The following MYO18A variants were observed in gnomAD, a reference collection of about 807,000 sequenced individuals.
MYO18A encodes myosin XVIIIA.
MYO18A carries 78 observed loss-of-function variants against 235.8 expected under a neutral mutation model. That is an observed-to-expected ratio of 0.33 (90% CI 0.28 to 0.40). The LOEUF (loss-of-function observed/expected upper bound fraction) is 0.40. MYO18A is among the 10% of genes least tolerant of loss of function. The pLI is 1.00. For missense variants in MYO18A, 2,215 were observed against 2,699.3 expected (o/e 0.82, Z 3.98); for synonymous variants, 977 against 1,077.8 (o/e 0.91, Z 1.83).
chr17:29,111,609 G>A lies in MYO18A; in HGVS notation c.2741-26C>T. The A allele has an allele frequency of 1.9e-6, 3 of 1,613,570 alleles. No homozygotes were observed. Among genetic ancestry groups the A allele is most frequent in the South Asian group, 2.2e-5 (2 of 91,060 alleles). Reference sequence around the variant, plus strand: ...CTGATGGTGGGAGAAGCAAGATTTAGGTCGTCAGGGTACAGGCACAAAGTG... The same window carrying A: ...CTGATGGTGGGAGAAGCAAGATTTAAGTCGTCAGGGTACAGGCACAAAGTG... On this transcript the variant is annotated intron_variant, in intron 16 of 41. Transcript: ENST00000527372. This position sits in a 1 kb window ranked among gnomAD's most constrained non-coding sequence, Gnocchi z 5.1.
intron 1 of MYO18A, among the ~76,000 whole-genome samples, chr17:29,169,941 T>A (rs1056607579): frequency 1.3e-5 from 2 of 152,300 alleles, no homozygotes; most frequent in South Asian, 2.1e-4. Flanking sequence ...GAGCAAAAGC[T>A]TGTTCCTCAC....
rs1158378181 is a variant in MYO18A at position 29,118,360 on chromosome 17, C to T, written c.1893+17G>A. The T allele has an allele frequency of 8.1e-6, 13 of 1,598,458 alleles. No homozygotes were observed. The highest frequency in any genetic ancestry group is 4.5e-5 in the East Asian group (2 of 44,420). ...CAAGGCCCAGGGCTGGCAACCCAGA[C>T]CCCACAGACCCCTCACCTTGGCCAG... is the stretch of plus-strand genomic sequence containing the variant. On this transcript the variant is annotated intron_variant, in intron 9 of 41. Coordinates refer to ENST00000527372, the MANE Select transcript of MYO18A (RefSeq NM_078471.4). The surrounding 1 kb of genome is among the most constrained non-coding windows in gnomAD (Gnocchi z 4.2).
rs2067714903 is a variant in MYO18A at position 29,140,562 on chromosome 17, T to G, written c.1000-18309A>C. 8 of 383,128 alleles carry G rather than the reference T, an allele frequency of 2.1e-5. No individual in the cohort carries two copies. The highest frequency in any genetic ancestry group is 1.3e-4 in the East Asian group (1 of 7,698). The allele number at this position is 383,128 out of a possible 1,614,324, so 23.7% of individuals were successfully genotyped here. On this transcript the variant is annotated intron_variant, in intron 2 of 41. Transcript: ENST00000527372. This position sits in a 1 kb window ranked among gnomAD's most constrained non-coding sequence, Gnocchi z 4.2. ...AGGGAGAGGGTGATACAGCAGTGTG[T>G]GTGGAAGGGAAGGAGAAGGCTCTTA...
At chr17:29,169,452 G>A (rs753989414) in intron 1 of MYO18A, among the ~76,000 whole-genome samples, 3 of 152,156 alleles carry the variant, frequency 2.0e-5, no homozygotes, top group Non-Finnish European at 4.4e-5. Flanking sequence ...TGGCCAGGTA[G>A]GTCTGGACTG....
At chr17:29,129,055 CT>C (rs2067396769) in intron 2 of MYO18A, 1 of 1,289,284 alleles carries the variant, frequency 7.8e-7, no homozygotes, top group East Asian at 5.5e-5. Flanking sequence ...GCGTCCTGAC[CT>C]TTGTAGTCCT....
In MYO18A at chr17:29,107,064, G is replaced by A. The variant is rs571713962; in HGVS notation, c.3441+16C>T. On this transcript the variant is annotated intron_variant, in intron 20 of 41. Transcript: ENST00000527372. ...GGCCTGGGCAGAGGGAGAGCGGTCTGGGGACCTGGACCTACCCGCCTTTCA... is the reference window on the plus strand; with the variant it reads ...GGCCTGGGCAGAGGGAGAGCGGTCTAGGGACCTGGACCTACCCGCCTTTCA... 3 of 1,611,708 alleles carry A rather than the reference G, an allele frequency of 1.9e-6. No homozygotes were observed. In the African/African-American group the frequency reaches 4.0e-5, roughly 21 times the overall value.
In MYO18A at chr17:29,118,426, A is replaced by G; in HGVS notation, c.1844T>C (p.Leu615Pro). 1 of 1,606,328 alleles carries G rather than the reference A, an allele frequency of 6.2e-7. No individual in the cohort carries two copies. The highest frequency in any genetic ancestry group is 8.5e-7 in the Non-Finnish European group (1 of 1,174,302). The change falls in exon 9 of 42, where the codon CTC becomes CCC. Residue 615 changes from leucine (L) to proline (P), a missense_variant. Coordinates refer to ENST00000527372, the MANE Select transcript of MYO18A (RefSeq NM_078471.4). The surrounding 1 kb of genome is among the most constrained non-coding windows in gnomAD (Gnocchi z 4.2). ...CACATTGTTCTCTGCCAAGTGGTTG[A>G]GGTGGAGCTCTGTCCTAGGGGTACA... ...GDGTLRTELHLNHLAENNVFG... is the reference protein window; with the variant it reads ...GDGTLRTELHPNHLAENNVFG...
At chr17:29,131,406 A>C (rs2067470807) in intron 2 of MYO18A, 1 of 985,722 alleles carries the variant, frequency 1.0e-6, no homozygotes, top group African/African-American at 1.7e-5. Flanking sequence ...TTGCCAGGAG[A>C]GCCAGGCTTT....
intron 2 of MYO18A, among the ~76,000 whole-genome samples, chr17:29,134,763 CCCACCTG>C (rs1436152162): frequency 7.2e-5 from 11 of 151,970 alleles, no homozygotes; most frequent in Middle Eastern, 3.4e-3. Context: ...CCTCAGGTGA[CCCACCTG>C]CCTCAGCTTC....
chr17:29,176,651 GCGGC>G (rs942527413), intron 1 of MYO18A: 1 of 152,244 alleles, frequency 6.6e-6, no homozygotes, highest in Non-Finnish European at 1.5e-5. Context: ...GGTTGTAGCA[GCGGC>G]CGGAGGGGTA....
At chr17:29,131,491 C>A in intron 2 of MYO18A, 1 of 942,172 alleles carries the variant, frequency 1.1e-6, no homozygotes, top group Non-Finnish European at 1.3e-6. Context: ...CTGGGAGACC[C>A]AGCACTAAAA....
At chr17:29,179,197 T>C (rs952683793) in intron 1 of MYO18A, among the ~76,000 whole-genome samples, 1 of 152,056 alleles carries the variant, frequency 6.6e-6, no homozygotes, top group African/African-American at 2.4e-5. Flanking sequence ...ACATGCCCCA[T>C]TGGCAAAGTG....
chr17:29,157,669 T>C (rs558662116), intron 2 of MYO18A, among the ~76,000 whole-genome samples: 1 of 152,276 alleles, frequency 6.6e-6, no homozygotes, highest in East Asian at 1.9e-4. Context: ...ATTAAATAAG[T>C]GAATATATGT....
chr17:29,110,560 A>C lies in MYO18A; in HGVS notation c.2963T>G (p.Ile988Ser). 1.9e-6 allele frequency: 3 copies of C among 1,612,868 alleles called. No homozygotes were observed. Among genetic ancestry groups the C allele is most frequent in the Non-Finnish European group, 2.5e-6 (3 of 1,179,548 alleles). Residue 988 changes from isoleucine to serine, a missense_variant, in exon 18 of 42, where the codon ATC (isoleucine) becomes AGC (serine). By Grantham distance (142) the Ile-to-Ser change is moderately radical. Transcript: ENST00000527372. ...AGSATVLSGS[I>S]AGLEGGSQLA... ...CTGCGAGCCGCCCTCCAGGCCCGCG[A>C]TGGAGCCAGAGAGCACCGTGGCACT... is the stretch of plus-strand genomic sequence containing the variant.
Position 29,074,896 on chromosome 17 carries a change from C to A in MYO18A, c.6039G>T (p.Lys2013Asn), listed in dbSNP as rs1434369097. 2.5e-6 allele frequency: 4 copies of A among 1,613,852 alleles called. No homozygotes were observed. The Admixed American group carries it at 5.0e-5, about 20-fold the overall frequency. The change falls in exon 42 of 42, where the codon AAG (lysine) becomes AAT (asparagine). Residue 2013 changes from lysine (K) to asparagine (N), a missense_variant. Coordinates refer to ENST00000527372, the MANE Select transcript of MYO18A (RefSeq NM_078471.4). The surrounding 1 kb of genome is among the most constrained non-coding windows in gnomAD (Gnocchi z 4.4). ...CATCTGACCGATCAGGGGCAAGGGA[C>A]TTCCAGTAGCTGGTGGGGCTGCAGG... ...LKSSSPTSYW[K>N]SLAPDRSDDE...
rs556901001 is a variant in MYO18A at position 29,092,476 on chromosome 17, G to A, written c.5074-20C>T. 10 of 1,586,726 alleles carry A rather than the reference G, an allele frequency of 6.3e-6. No individual in the cohort carries two copies. Among genetic ancestry groups the A allele is most frequent in the South Asian group, 2.2e-5 (2 of 89,422 alleles). On this transcript the variant is annotated intron_variant, in intron 33 of 41. Coordinates refer to ENST00000527372, the MANE Select transcript of MYO18A (RefSeq NM_078471.4). ...CTCCAGCTGGACACAGACCACCCCC[G>A]CCCCAGGGAGAGATGTCAGCCATTC...
At chr17:29,098,592 C>T (rs1390712567) in intron 23 of MYO18A, 147 bp from the exon 24 acceptor site, 50 of 1,087,298 alleles carry the variant, frequency 4.6e-5, no homozygotes, top group Non-Finnish European at 6.4e-5. Context: ...GAGCCACTGC[C>T]TCCTGGGGAT....
intron 2 of MYO18A, among the ~76,000 whole-genome samples, chr17:29,146,256 TC>T (rs142445717): frequency 0.16 from 23,688 of 151,358 alleles, 1,926 homozygotes; most frequent in East Asian, 0.3. Flanking sequence ...AGACTCCATC[TC>T]AAAAAAATAA....
Position 29,086,547 on chromosome 17 carries a change from T to C in MYO18A, c.5743A>G (p.Asn1915Asp), listed in dbSNP as rs768906603. 1 of 1,613,296 alleles carries C rather than the reference T, an allele frequency of 6.2e-7. No homozygotes were observed. The highest frequency in any genetic ancestry group is 2.2e-5 in the East Asian group (1 of 44,878). The change falls in exon 39 of 42, where the codon AAC becomes GAC. Residue 1915 changes from asparagine (N) to aspartate (D), a missense_variant. Coordinates refer to ENST00000527372, the MANE Select transcript of MYO18A (RefSeq NM_078471.4). ...TTTAGGTCAGCCTGCAGGCTCTGGTTAGCAGCCTCCAGGCTTTCTAGATCC... is the reference window on the plus strand; with the variant it reads ...TTTAGGTCAGCCTGCAGGCTCTGGTCAGCAGCCTCCAGGCTTTCTAGATCC... ...EMDLESLEAA[N>D]QSLQADLKLA...
Sources: gnomAD v4.1 joint callset for allele counts (sites outside exome capture counted in the v4.1 genomes callset) on GRCh38, gnomAD v4.1.1 for gene constraint, Gnocchi (gnomAD v3.1) non-coding constraint, MANE v1.5 for transcripts, NCBI Gene and HGNC (gene_info 2026-07-23, HGNC 2026-07-21) for gene names.